The following TMEM181 variants were observed in gnomAD, a reference collection of about 807,000 sequenced individuals.
The protein encoded by TMEM181 is G protein-coupled receptor 178.
In TMEM181, 39 loss-of-function variants were observed where a neutral mutation model predicts 71.9. That is an observed-to-expected ratio of 0.54 (90% CI 0.42 to 0.71). The LOEUF (loss-of-function observed/expected upper bound fraction) is 0.71, where lower values mean the gene tolerates loss of function less well. Among genes scored for constraint, TMEM181 ranks in the 30% least tolerant of loss-of-function variants. TMEM181 has a pLI of 0.00. For synonymous variants in TMEM181, 245 were observed against 228.8 expected, an observed-to-expected ratio of 1.07 and a Z score of -0.64; for missense variants, 595 against 583.0, an observed-to-expected ratio of 1.02 and a Z score of -0.21.
At position 158,631,287 on chromosome 6, in the gene TMEM181, A is replaced by G. The variant is rs186143978; in HGVS notation, c.1283-36A>G. The stretch of plus-strand genomic sequence containing the variant: ...CTGCCTGTCCAGGCTCATCACGTCA[A>G]TTGCTTGAGATGCAAATGCTCTTGT... On this transcript the variant is annotated intron_variant, in intron 15 of 16. Transcript: ENST00000684151. 1.1e-4 allele frequency: 172 copies of G among 1,611,996 alleles called. 1 individual carries two copies. The Admixed American group carries it at 2.7e-3, about 25-fold the overall frequency.
intron 10 of TMEM181, chr6:158,610,112 T>G (rs1785208869): frequency 9.0e-6 from 2 of 221,216 alleles, no homozygotes; most frequent in Admixed American, 8.2e-5. Flanking sequence ...CACCAAAGCT[T>G]CTCTAGAGAC....
chr6:158,631,930 T>C lies in TMEM181; in HGVS notation c.*42T>C. On this transcript the variant is annotated 3_prime_UTR_variant, in exon 17 of 17. Coordinates refer to ENST00000684151, the MANE Select transcript of TMEM181 (RefSeq NM_001376852.1). ...CGAGGCGACAAGATGCCTGGATGCT[T>C]TCCCCGGTGACCGTCTGCTGACCTT... The C allele has an allele frequency of 6.5e-7, 1 of 1,531,880 alleles. No individual in the cohort carries two copies. The highest frequency in any genetic ancestry group is 1.2e-5 in the South Asian group (1 of 83,988). 94.9% of individuals were successfully genotyped at this position (1,531,880 alleles called of 1,614,324 possible). A position where few individuals can be genotyped will look rare whatever the true frequency, so the allele number is the denominator to read the frequency against.
intron 6 of TMEM181, among the ~76,000 whole-genome samples, chr6:158,590,376 C>CA (rs11405629): frequency 0.49 from 73,134 of 148,308 alleles, 18,782 homozygotes; most frequent in East Asian, 0.75. Flanking sequence ...TGGATACCTT[C>CA]AAAAAAAAAA....
rs1331856981 is a variant in TMEM181 at position 158,573,450 on chromosome 6, C to A, written c.39C>A (p.Ser13=). ...PLAPMRLYTL[S]KRHFVLVFVV... ...CGCCCATGCGGCTCTACACGCTCTCCAAGCGCCACTTTGTCCTCGTGTTTG... is the reference window on the plus strand; with the variant it reads ...CGCCCATGCGGCTCTACACGCTCTCAAAGCGCCACTTTGTCCTCGTGTTTG... The change falls in exon 2 of 17, where the codon TCC becomes TCA. Residue 13 remains serine (S), a synonymous_variant. Coordinates refer to ENST00000684151, the MANE Select transcript of TMEM181 (RefSeq NM_001376852.1). 6.3e-7 allele frequency: 1 copy of A among 1,598,944 alleles called. No individual in the cohort carries two copies. The highest frequency in any genetic ancestry group is 8.5e-7 in the Non-Finnish European group (1 of 1,173,246).
chr6:158,622,661 C>T (rs925738975), intron 10 of TMEM181, among the ~76,000 whole-genome samples: 1 of 152,192 alleles, frequency 6.6e-6, no homozygotes, highest in Non-Finnish European at 1.5e-5. Flanking sequence ...ACTGAAACTG[C>T]AGAAAGTGAA....
intron 2 of TMEM181, among the ~76,000 whole-genome samples, chr6:158,576,689 A>T (rs1028576688): frequency 7.9e-5 from 12 of 152,308 alleles, no homozygotes; most frequent in Admixed American, 6.5e-4. Context: ...TCAAAAATGA[A>T]TAACAGCAAA....
rs183265529 is a variant in TMEM181 at position 158,542,944 on chromosome 6, C to T, written c.131+6079C>T. ...AGGCTGGAGTGCAGTGGCGTGATCT[C>T]AGCTCACTGCAACCTCCACCTCCCA... On this transcript the variant is annotated intron_variant, in intron 1 of 16. Coordinates refer to the TMEM181 transcript ENST00000367090. Among the ~76,000 whole-genome samples the T allele has an allele frequency of 2.5e-3, 329 of 133,318 alleles. 1 individual carries two copies. The highest frequency in any genetic ancestry group is 8.8e-3 in the Middle Eastern group (2 of 226). 87.5% of individuals were successfully genotyped at this position (133,318 alleles called of 152,430 possible).
chr6:158,558,933 C>T (rs900725327), upstream of TMEM181, among the ~76,000 whole-genome samples: 1 of 152,090 alleles, frequency 6.6e-6, no homozygotes, highest in African/African-American at 2.4e-5. Context: ...TTCTGTTCTC[C>T]GGTCTTGTTG....
intron 10 of TMEM181, among the ~76,000 whole-genome samples, chr6:158,621,798 G>A (rs1469920390): frequency 4.6e-5 from 7 of 152,186 alleles, no homozygotes; most frequent in Non-Finnish European, 2.9e-5. Flanking sequence ...TTCTGTCTGC[G>A]CAGGCCACTT....
intron 6 of TMEM181, among the ~76,000 whole-genome samples, chr6:158,592,108 A>G (rs568741086): frequency 3.3e-5 from 5 of 152,298 alleles, no homozygotes; most frequent in African/African-American, 1.2e-4. Context: ...TGGGATTTGT[A>G]AGGGATGTCA....
chr6:158,597,509 C>G (rs1262942183), intron 6 of TMEM181, among the ~76,000 whole-genome samples: 1 of 151,782 alleles, frequency 6.6e-6, no homozygotes, highest in Non-Finnish European at 1.5e-5. Context: ...CAGCTAGCCC[C>G]CCCTTTTTTG....
chr6:158,608,733 G>C lies in TMEM181; in HGVS notation c.879G>C (p.Thr293=), dbSNP rs750041939. The change falls in exon 10 of 17, where the codon ACG becomes ACC. Residue 293 remains threonine, a synonymous_variant. Coordinates refer to ENST00000684151, the MANE Select transcript of TMEM181 (RefSeq NM_001376852.1). Reference sequence around the variant, plus strand: ...GACTATTGTGGTTGGCTTCTGTTACGCTAGGAATATGGCAAACGTGAGTAA... The same window carrying C: ...GACTATTGTGGTTGGCTTCTGTTACCCTAGGAATATGGCAAACGTGAGTAA... ...IVGLLWLASV[T]LGIWQTVNEL... is the part of the protein sequence containing the mutation. 1 of 1,612,896 alleles carries C rather than the reference G, an allele frequency of 6.2e-7. No individual in the cohort carries two copies. The highest frequency in any genetic ancestry group is 8.5e-7 in the Non-Finnish European group (1 of 1,179,732).
At chr6:158,561,618 C>A (rs1782183033) in intron 1 of TMEM181, among the ~76,000 whole-genome samples, 1 of 152,182 alleles carries the variant, frequency 6.6e-6, no homozygotes, top group African/African-American at 2.4e-5. Flanking sequence ...GGACAGGGAT[C>A]TGGGTCTTCT....
chr6:158,540,254 C>T (rs1226949025), intron 1 of TMEM181, among the ~76,000 whole-genome samples: 3 of 152,212 alleles, frequency 2.0e-5, no homozygotes, highest in Non-Finnish European at 4.4e-5. Context: ...ATGGAATGTT[C>T]ACGCACTGCG....
intron 1 of TMEM181, among the ~76,000 whole-genome samples, chr6:158,543,096 C>T (rs994696253): frequency 2.0e-5 from 3 of 151,878 alleles, no homozygotes; most frequent in East Asian, 1.9e-4. Flanking sequence ...AGGATAGTTT[C>T]GATCTCCTGA....
chr6:158,559,315 C>T (rs1782022994), upstream of TMEM181, among the ~76,000 whole-genome samples: 1 of 152,160 alleles, frequency 6.6e-6, no homozygotes, highest in Non-Finnish European at 1.5e-5. Context: ...TTATTCATGT[C>T]CACACTTTTC....
At chr6:158,618,115 G>A (rs573851236) in intron 10 of TMEM181, among the ~76,000 whole-genome samples, 40 of 152,276 alleles carry the variant, frequency 2.6e-4, no homozygotes, top group African/African-American at 8.9e-4. Flanking sequence ...GGAAGTCTAA[G>A]TCTCTTTGTA....
intron 1 of TMEM181, among the ~76,000 whole-genome samples, chr6:158,554,581 T>C (rs1026753922): frequency 1.6e-4 from 24 of 152,204 alleles, no homozygotes; most frequent in African/African-American, 5.5e-4. Context: ...ATTGTTTTGC[T>C]CAAAGTCACA....
intron 1 of TMEM181, among the ~76,000 whole-genome samples, chr6:158,544,262 C>G (rs531019555): frequency 2.0e-5 from 3 of 150,390 alleles, no homozygotes; most frequent in East Asian, 3.9e-4. Context: ...GAAACAGGCT[C>G]TGGCCTAGCT....
Sources: gnomAD v4.1 joint callset for allele counts (sites outside exome capture counted in the v4.1 genomes callset) on GRCh38, gnomAD v4.1.1 for gene constraint, MANE v1.5 for transcripts, NCBI Gene and HGNC (gene_info 2026-07-23, HGNC 2026-07-21) for gene names.